HMGCLL1: variants seen among roughly 807,000 people sequenced by gnomAD.
HMGCLL1 encodes the protein 3-hydroxymethyl-3-methylglutaryl-CoA lyase, cytoplasmic.
Under a neutral mutation model 39.1 loss-of-function variants are expected in HMGCLL1, and 36 were observed. The observed-to-expected ratio is 0.92, with a 90% confidence interval of 0.71 to 1.22. The LOEUF is 1.22. Among genes scored for constraint, HMGCLL1 ranks in the 50% most tolerant of loss-of-function variants. The probability of loss-of-function intolerance (pLI) is 0.00; values close to 1 mark genes in which losing one functional copy is unlikely to be tolerated. For synonymous variants in HMGCLL1, 149 were observed against 144.0 expected (o/e 1.03, Z -0.25); for missense variants, 451 against 416.5 (o/e 1.08, Z -0.72).
chr6:55,624,465 G>C, the HMGCLL1 span, among the ~76,000 whole-genome samples: 2 of 152,162 alleles, frequency 1.3e-5, no homozygotes. Flanking sequence ...CAGCTGGCAA[G>C]GCCAGCAATA....
chr6:55,600,068 C>T, the HMGCLL1 span, among the ~76,000 whole-genome samples: 5 of 152,026 alleles, frequency 3.3e-5, no homozygotes, highest in Non-Finnish European at 5.9e-5. Flanking sequence ...TTTACATTGG[C>T]GGTATTTTTT....
chr6:55,436,469 G>A (rs774199424), intron 8 of HMGCLL1, among the ~76,000 whole-genome samples: 16 of 151,940 alleles, frequency 1.1e-4, no homozygotes, highest in Non-Finnish European at 2.1e-4. Context: ...CTTGGCTTTA[G>A]TGTAAGGAAA....
intron 7 of HMGCLL1, among the ~76,000 whole-genome samples, chr6:55,484,424 C>A (rs767933859): frequency 3.3e-5 from 5 of 151,968 alleles, no homozygotes; most frequent in Admixed American, 6.6e-5. Flanking sequence ...CTATATGCCG[C>A]TTATTATATC....
At chr6:55,598,787 G>T in the HMGCLL1 span, among the ~76,000 whole-genome samples, 1 of 152,160 alleles carries the variant, frequency 6.6e-6, no homozygotes, top group Non-Finnish European at 1.5e-5. Flanking sequence ...ACACACTGTT[G>T]TGGCTGTAAA....
At chr6:55,622,610 C>T in the HMGCLL1 span, among the ~76,000 whole-genome samples, 6 of 152,002 alleles carry the variant, frequency 3.9e-5, no homozygotes, top group African/African-American at 1.2e-4. Flanking sequence ...GAATGAATCC[C>T]ATTAAGTCAT....
In HMGCLL1 at chr6:55,563,686, C is replaced by T. The variant is rs1404679586; in HGVS notation, c.108+15262G>A. The T allele has an allele frequency of 9.5e-6, 3 of 317,452 alleles. No individual in the cohort carries two copies. The East Asian group carries it at 2.5e-4, about 26-fold the overall frequency. 19.7% of individuals were successfully genotyped at this position (317,452 alleles called of 1,614,324 possible). On this transcript the variant is annotated intron_variant, in intron 1 of 8. Coordinates refer to ENST00000274901, the MANE Select transcript of HMGCLL1 (RefSeq NM_001042406.2). ...ACATGTGGTTTGAATAATCAAAGAA[C>T]CTGATACCAAAGTTTACATATGGCT...
chr6:55,537,779 T>C (rs1357428363), intron 3 of HMGCLL1, among the ~76,000 whole-genome samples: 1 of 152,170 alleles, frequency 6.6e-6, no homozygotes, highest in African/African-American at 2.4e-5. Flanking sequence ...AAGCACTTCC[T>C]CTCACCACAG....
chr6:55,447,342 G>A (rs1763898582), intron 7 of HMGCLL1, among the ~76,000 whole-genome samples: 1 of 152,132 alleles, frequency 6.6e-6, no homozygotes, highest in East Asian at 1.9e-4. Flanking sequence ...GTAAACAGGA[G>A]TATATATAAA....
the HMGCLL1 span, among the ~76,000 whole-genome samples, chr6:55,598,102 C>T: frequency 6.6e-6 from 1 of 152,082 alleles, no homozygotes; most frequent in Admixed American, 6.6e-5. Flanking sequence ...AGGTCCTCAT[C>T]AGTGGATGTG....
rs1195282767 is a variant in HMGCLL1 at position 55,477,419 on chromosome 6, T to G, written c.795+18000A>C. Among the ~76,000 whole-genome samples the G allele has an allele frequency of 2.2e-4, 5 of 23,236 alleles. 1 individual carries two copies. In the African/African-American group the frequency reaches 2.8e-3, roughly 13 times the overall value. The allele number at this position is 23,236 out of a possible 152,430, so 15.2% of individuals were successfully genotyped here. On this transcript the variant is annotated intron_variant, in intron 7 of 8. Coordinates refer to ENST00000274901, the MANE Select transcript of HMGCLL1 (RefSeq NM_001042406.2). ...ATATATATTATCTAAATATATATTA[T>G]CTTAATATATATTATATATTATATA...
intron 3 of HMGCLL1, among the ~76,000 whole-genome samples, chr6:55,540,664 A>G (rs1210127038): frequency 6.6e-6 from 1 of 152,180 alleles, no homozygotes; most frequent in Non-Finnish European, 1.5e-5. Flanking sequence ...CTACGACAGT[A>G]ACTGGATACA....
At position 55,499,174 on chromosome 6, in the gene HMGCLL1, C is replaced by A. The variant is rs1581860838; in HGVS notation, c.606+62G>T. ...AGATTCAATAAATATTAAGAAAGCC[C>A]CCTTTTAAAAATAATATATATCATG... On this transcript the variant is annotated intron_variant, in intron 6 of 8. Coordinates refer to ENST00000274901, the MANE Select transcript of HMGCLL1 (RefSeq NM_001042406.2). 13 of 1,288,454 alleles carry A rather than the reference C, an allele frequency of 1.0e-5. No homozygotes were observed. In the East Asian group the frequency reaches 2.8e-4, roughly 28 times the overall value. The allele number at this position is 1,288,454 out of a possible 1,614,324, so 79.8% of individuals were successfully genotyped here. A position where few individuals can be genotyped will look rare whatever the true frequency, so the allele number is the denominator to read the frequency against.
At chr6:55,472,157 G>T (rs929786744) in intron 7 of HMGCLL1, among the ~76,000 whole-genome samples, 4 of 151,484 alleles carry the variant, frequency 2.6e-5, no homozygotes, top group Non-Finnish European at 5.9e-5. Flanking sequence ...ATTTCTATTG[G>T]TTATATACCT....
intron 7 of HMGCLL1, among the ~76,000 whole-genome samples, chr6:55,458,777 T>C (rs1400725957): frequency 2.0e-5 from 3 of 152,212 alleles, no homozygotes; most frequent in African/African-American, 7.2e-5. Flanking sequence ...GAAAATATTA[T>C]GTATTTGTGC....
the HMGCLL1 span, among the ~76,000 whole-genome samples, chr6:55,590,938 C>T: frequency 4.0e-5 from 6 of 151,870 alleles, no homozygotes; most frequent in Admixed American, 6.6e-5. Context: ...TATGAAGAAA[C>T]TGAGAGTCAG....
upstream of HMGCLL1, among the ~76,000 whole-genome samples, chr6:55,581,564 T>C (rs1030186550): frequency 6.6e-6 from 1 of 152,132 alleles, no homozygotes; most frequent in Non-Finnish European, 1.5e-5. Context: ...TACATCTTTC[T>C]GTTCTGATTA....
chr6:55,495,767 T>C (rs934211539), intron 6 of HMGCLL1, among the ~76,000 whole-genome samples, 160 bp from the exon 7 acceptor site: 6 of 152,222 alleles, frequency 3.9e-5, no homozygotes, highest in African/African-American at 1.4e-4. Context: ...TCTTTGCTTA[T>C]GATATTCTAA....
At chr6:55,603,103 A>C in the HMGCLL1 span, among the ~76,000 whole-genome samples, 13 of 152,100 alleles carry the variant, frequency 8.5e-5, no homozygotes, top group Non-Finnish European at 1.9e-4. Context: ...TCTGAGTATT[A>C]AGTCTACCGC....
chr6:55,550,817 T>C (rs555433446), intron 1 of HMGCLL1, among the ~76,000 whole-genome samples: 1 of 151,744 alleles, frequency 6.6e-6, no homozygotes, highest in South Asian at 2.1e-4. Context: ...GTTGTCAAAA[T>C]TGCTGGGCAC....
Sources: allele counts gnomAD v4.1 joint callset (sites outside exome capture counted in the v4.1 genomes callset), GRCh38; gene constraint gnomAD v4.1.1; transcripts MANE v1.5; gene names NCBI Gene and HGNC (gene_info 2026-07-23, HGNC 2026-07-21).